NCAM2: variants seen among roughly 807,000 people sequenced by gnomAD.
NCAM2 encodes neural cell adhesion molecule 2, also known as N-CAM-2.
In NCAM2, 30 loss-of-function variants were observed where a neutral mutation model predicts 98.1. The observed-to-expected ratio is 0.31, with a 90% confidence interval of 0.23 to 0.41. The LOEUF (loss-of-function observed/expected upper bound fraction) is 0.41. Among genes scored for constraint, NCAM2 ranks in the 10% least tolerant of loss-of-function variants. The pLI is 1.00. For synonymous variants in NCAM2, 368 were observed against 342.4 expected, an observed-to-expected ratio of 1.07 and a Z score of -0.83; for missense variants, 867 against 1,005.8, an observed-to-expected ratio of 0.86 and a Z score of 1.87.
In NCAM2 at chr21:21,416,731, G is replaced by A. The variant is rs145589788; in HGVS notation, c.1384-1742G>A. ...ACTTAATGGTCTATAATATACCCTC[G>A]TTATATTATCTTATATTTTCATAAA... On this transcript the variant is annotated intron_variant, in intron 10 of 17. Coordinates refer to ENST00000400546, the MANE Select transcript of NCAM2 (RefSeq NM_004540.5). Among the ~76,000 whole-genome samples, 40 of 151,944 alleles carry A rather than the reference G, an allele frequency of 2.6e-4. No individual in the cohort carries two copies. In the South Asian group the frequency reaches 3.5e-3, roughly 13 times the overall value.
chr21:21,411,842 A>G (rs565708719), intron 10 of NCAM2, among the ~76,000 whole-genome samples: 1 of 152,334 alleles, frequency 6.6e-6, no homozygotes, highest in East Asian at 1.9e-4. Flanking sequence ...AAATACTTGC[A>G]TAGCTGGCTG....
intron 8 of NCAM2, among the ~76,000 whole-genome samples, chr21:21,346,208 C>CAAAAAAAAAAAA (rs57663409): frequency 8.9e-6 from 1 of 112,530 alleles, no homozygotes; most frequent in African/African-American, 3.1e-5. Flanking sequence ...CAACTGAAAC[C>CAAAAAAAAAAAA]AAAAAAAAAA....
intron 14 of NCAM2, among the ~76,000 whole-genome samples, chr21:21,476,986 A>G (rs1381945244): frequency 1.3e-5 from 2 of 152,008 alleles, no homozygotes; most frequent in Non-Finnish European, 2.9e-5. Flanking sequence ...AAATGGCCAA[A>G]AAACTAACTG....
chr21:21,535,459 C>A (rs2099832561), intron 17 of NCAM2, among the ~76,000 whole-genome samples: 1 of 151,960 alleles, frequency 6.6e-6, no homozygotes, highest in South Asian at 2.1e-4. Context: ...GCAGAGTAAA[C>A]TGATTTAGGT....
At chr21:21,214,746 T>TATATATATAA (rs11268201) in intron 1 of NCAM2, among the ~76,000 whole-genome samples, 1 of 100,608 alleles carries the variant, frequency 9.9e-6, no homozygotes, top group African/African-American at 3.3e-5. Context: ...TATATATATA[T>TATATATATAA]ACACTATATA....
intron 12 of NCAM2, among the ~76,000 whole-genome samples, chr21:21,466,064 A>G (rs1983640784): frequency 6.6e-6 from 1 of 152,056 alleles, no homozygotes; most frequent in Non-Finnish European, 1.5e-5. Flanking sequence ...AGTTATGAGT[A>G]GGCTTCAAAC....
intron 1 of NCAM2, among the ~76,000 whole-genome samples, chr21:21,251,772 T>C (rs952038670): frequency 1.3e-5 from 2 of 151,590 alleles, no homozygotes; most frequent in African/African-American, 4.8e-5. Flanking sequence ...TAAATTTCTT[T>C]AAGTTTCTTT....
chr21:21,096,921 C>G (rs536800242), intron 1 of NCAM2, among the ~76,000 whole-genome samples: 5 of 151,842 alleles, frequency 3.3e-5, no homozygotes, highest in African/African-American at 1.2e-4. Flanking sequence ...CCAATTTTCT[C>G]TGACTTTCTA....
At chr21:21,140,237 A>C (rs1160705755) in intron 1 of NCAM2, among the ~76,000 whole-genome samples, 1 of 152,190 alleles carries the variant, frequency 6.6e-6, no homozygotes, top group African/African-American at 2.4e-5. Context: ...CAGCTTGAAA[A>C]ATAAGTGACA....
chr21:21,365,238 CGTGTGTGTGT>C lies in NCAM2; in HGVS notation c.1045-8600_1045-8591del, dbSNP rs66559489. On this transcript the variant is annotated intron_variant, in intron 8 of 17. Coordinates refer to ENST00000400546, the MANE Select transcript of NCAM2 (RefSeq NM_004540.5). ...GATTTGAGCTAATTATTGCTTAGTGCGTGTGTGTGTGTGTGTGTGTGTGTGTGTGTGTGTA... is the reference window on the plus strand; with the variant it reads ...GATTTGAGCTAATTATTGCTTAGTGCGTGTGTGTGTGTGTGTGTGTGTGTA... Among the ~76,000 whole-genome samples, 202 of 146,710 alleles carry C rather than the reference CGTGTGTGTGT, an allele frequency of 1.4e-3. 1 individual carries two copies. The highest frequency in any genetic ancestry group is 1.9e-3 in the Non-Finnish European group (129 of 66,734).
intron 5 of NCAM2, among the ~76,000 whole-genome samples, chr21:21,306,235 A>G (rs1288292479): frequency 6.6e-6 from 1 of 152,160 alleles, no homozygotes; most frequent in East Asian, 1.9e-4. Flanking sequence ...AGTCTTCTGT[A>G]TCTTTTTAAC....
chr21:21,452,545 T>C (rs1981300663), intron 12 of NCAM2, among the ~76,000 whole-genome samples: 1 of 123,318 alleles, frequency 8.1e-6, no homozygotes, highest in Non-Finnish European at 1.6e-5. Flanking sequence ...TAAATAAATA[T>C]ATAATATATA....
At chr21:21,348,458 G>T (rs895153342) in intron 8 of NCAM2, among the ~76,000 whole-genome samples, 3 of 151,940 alleles carry the variant, frequency 2.0e-5, no homozygotes, top group South Asian at 2.1e-4. Context: ...AGGACATCAA[G>T]AAATGGAAAA....
intron 1 of NCAM2, among the ~76,000 whole-genome samples, chr21:21,191,018 T>A (rs1442866774): frequency 6.6e-6 from 1 of 152,180 alleles, no homozygotes; most frequent in Non-Finnish European, 1.5e-5. Context: ...ACTGTCAAAC[T>A]ACCATCTAAA....
At chr21:21,137,938 G>GCA (rs71715030) in intron 1 of NCAM2, among the ~76,000 whole-genome samples, 2 of 52,786 alleles carry the variant, frequency 3.8e-5, no homozygotes, top group African/African-American at 1.2e-4. Context: ...AGGTGACACT[G>GCA]GATTTGTGTT....
intron 1 of NCAM2, among the ~76,000 whole-genome samples, chr21:21,228,972 A>G (rs1164278812): frequency 6.6e-6 from 1 of 151,486 alleles, no homozygotes; most frequent in Non-Finnish European, 1.5e-5. Context: ...AATTATATCT[A>G]GAGTTATTTT....
In NCAM2 at chr21:21,432,183, C is replaced by T. The variant is rs2146029906; in HGVS notation, c.1556C>T (p.Pro519Leu). 2 of 1,613,998 alleles carry T rather than the reference C, an allele frequency of 1.2e-6. No homozygotes were observed. The highest frequency in any genetic ancestry group is 1.7e-6 in the Non-Finnish European group (2 of 1,179,918). ...ACGGCCAAGGTTTCCTTCAACAAAC[C>T]GGACTCCCATGGAGGTGTACCTATT... ...QTTAKVSFNKPDSHGGVPIHH... is the reference protein window; with the variant it reads ...QTTAKVSFNKLDSHGGVPIHH... Residue 519 changes from proline to leucine, a missense_variant, in exon 12 of 18, where the codon CCG (proline) becomes CTG (leucine). Transcript: ENST00000400546.
intron 15 of NCAM2, among the ~76,000 whole-genome samples, chr21:21,508,208 C>G (rs1988111779): frequency 6.6e-6 from 1 of 152,136 alleles, no homozygotes; most frequent in South Asian, 2.1e-4. Context: ...AATACCATAG[C>G]TATAAAATGT....
At chr21:21,435,341 A>C (rs1978296960) in intron 12 of NCAM2, among the ~76,000 whole-genome samples, 2 of 152,146 alleles carry the variant, frequency 1.3e-5, no homozygotes, top group South Asian at 2.1e-4. Context: ...CAAATATCAT[A>C]TCTCTCCTCT....
Sources: allele counts gnomAD v4.1 joint callset (sites outside exome capture counted in the v4.1 genomes callset), GRCh38; gene constraint gnomAD v4.1.1; transcripts MANE v1.5; gene names NCBI Gene and HGNC (gene_info 2026-07-23, HGNC 2026-07-21).